The following SPCS2 variants were observed in gnomAD, a reference collection of about 807,000 sequenced individuals.
SPCS2 encodes the protein signal peptidase complex subunit 2.
Under a neutral mutation model 22.3 loss-of-function variants are expected in SPCS2, and 3 were observed. The ratio of observed to expected loss-of-function variants is 0.13; its 90% CI spans 0.06 to 0.35. The LOEUF is 0.35. Ranked by LOEUF, SPCS2 falls within the 10% of genes least tolerant of loss-of-function variation. The pLI is 1.00. For synonymous variants in SPCS2, 67 were observed against 97.2 expected, an observed-to-expected ratio of 0.69 and a Z score of 1.83; for missense variants, 169 against 280.9, an observed-to-expected ratio of 0.60 and a Z score of 2.85.
At chr11:74,974,367 G>A (rs75312072) in intron 4 of SPCS2, among the ~76,000 whole-genome samples, 3,175 of 152,238 alleles carry the variant, frequency 0.021, 130 homozygotes, top group African/African-American at 0.072. Context: ...GCATCTCAAA[G>A]TCAACAGGTC....
intron 3 of SPCS2, among the ~76,000 whole-genome samples, chr11:74,968,980 A>G (rs2140219675): frequency 6.6e-6 from 1 of 152,244 alleles, no homozygotes; most frequent in South Asian, 2.1e-4. Context: ...TGTTTATGAA[A>G]TTTAAATGGC....
At chr11:74,974,804 C>T (rs957860672) in intron 4 of SPCS2, among the ~76,000 whole-genome samples, 33 of 151,976 alleles carry the variant, frequency 2.2e-4, no homozygotes, top group Admixed American at 6.6e-4. Context: ...TTAGTAGAGA[C>T]GGGGTTTCAC....
chr11:74,970,405 T>A (rs1948577727), intron 4 of SPCS2, among the ~76,000 whole-genome samples: 1 of 152,172 alleles, frequency 6.6e-6, no homozygotes, highest in Non-Finnish European at 1.5e-5. Context: ...ATTTTATAGA[T>A]AAGAATACAG....
rs1008108190 is a variant in SPCS2, at chr11:74,978,436, G to A, written c.*1393G>A. The A allele has an allele frequency of 8.5e-5, 13 of 152,200 alleles. No homozygotes were observed. Among genetic ancestry groups the A allele is most frequent in the Non-Finnish European group, 2.9e-5 (2 of 68,042 alleles). The allele number at this position is 152,200 out of a possible 1,614,324, so 9.4% of individuals were successfully genotyped here. ...CGGAATTCTCTGTGAGCTTCTTAAA[G>A]TTTTTGAAAGCATGTAACCGGATAA... On this transcript the variant is annotated 3_prime_UTR_variant, in exon 5 of 5. Coordinates refer to ENST00000263672, the MANE Select transcript of SPCS2 (RefSeq NM_014752.3).
chr11:74,965,503 T>C lies in SPCS2; in HGVS notation c.199-260T>C, dbSNP rs115803317. 3.7e-3 allele frequency among the ~76,000 whole-genome samples: 570 copies of C among 152,308 alleles called. 5 individuals carry two copies. Among genetic ancestry groups the C allele is most frequent in the African/African-American group, 0.013 (544 of 41,586 alleles). On this transcript the variant is annotated intron_variant, in intron 2 of 4. Coordinates refer to ENST00000263672, the MANE Select transcript of SPCS2 (RefSeq NM_014752.3). ...TAGGACATTCATTCATGATAAATCA[T>C]CTCTCCATTTGTAAAAGTAAAACAT...
intron 1 of SPCS2, among the ~76,000 whole-genome samples, chr11:74,960,963 T>C (rs1260628442): frequency 1.3e-5 from 2 of 152,080 alleles, no homozygotes; most frequent in Non-Finnish European, 2.9e-5. Context: ...TTACATTTGC[T>C]AAATTTAAAC....
chr11:74,957,683 C>A (rs1352844883), intron 1 of SPCS2, among the ~76,000 whole-genome samples: 2 of 152,142 alleles, frequency 1.3e-5, no homozygotes, highest in Non-Finnish European at 2.9e-5. Context: ...TGTGCCCTTG[C>A]CCCTCTATGT....
intron 1 of SPCS2, among the ~76,000 whole-genome samples, chr11:74,954,616 A>G (rs970993448): frequency 1.3e-5 from 2 of 152,214 alleles, no homozygotes; most frequent in Admixed American, 1.3e-4. Flanking sequence ...GAACGGTTTT[A>G]TAACATTACT....
intron 1 of SPCS2, among the ~76,000 whole-genome samples, chr11:74,961,586 G>T (rs1948514757): frequency 7.0e-6 from 1 of 142,456 alleles, no homozygotes; most frequent in African/African-American, 2.4e-5. Context: ...TGTTCACCCA[G>T]GCTAGAGTGC....
At chr11:74,955,966 G>A (rs1197574753) in intron 1 of SPCS2, among the ~76,000 whole-genome samples, 1 of 144,708 alleles carries the variant, frequency 6.9e-6, no homozygotes, top group Non-Finnish European at 1.5e-5. Flanking sequence ...AATTTCAATA[G>A]TAGTTTTTTA....
chr11:74,968,120 A>T (rs1161617668), intron 3 of SPCS2: 1 of 152,092 alleles, frequency 6.6e-6, no homozygotes. Context: ...CTCTACTCTA[A>T]AGTCCATATA....
At chr11:74,950,750 G>GCC (rs1179777599) in intron 1 of SPCS2, among the ~76,000 whole-genome samples, 1 of 152,126 alleles carries the variant, frequency 6.6e-6, no homozygotes, top group African/African-American at 2.4e-5. Flanking sequence ...TTACTGTGTT[G>GCC]CCCTGGCTGG....
chr11:74,973,532 A>G (rs1301628324), intron 4 of SPCS2, among the ~76,000 whole-genome samples: 1 of 152,196 alleles, frequency 6.6e-6, no homozygotes, highest in Non-Finnish European at 1.5e-5. Flanking sequence ...AGTTTTAAGT[A>G]TCCCACCCTG....
At chr11:74,956,317 C>T (rs904705219) in intron 1 of SPCS2, among the ~76,000 whole-genome samples, 3 of 152,106 alleles carry the variant, frequency 2.0e-5, no homozygotes, top group African/African-American at 7.2e-5. Context: ...TCTGTCCAAC[C>T]GCCTACTTGT....
rs1468001266 is a variant in SPCS2, at chr11:74,978,760, T to C, written c.*1717T>C. On this transcript the variant is annotated 3_prime_UTR_variant, in exon 5 of 5. Coordinates refer to ENST00000263672, the MANE Select transcript of SPCS2 (RefSeq NM_014752.3). ...CCATGGTTGGTTAAATCTGTAGATA[T>C]AGAGGGCCAACTGTACTGTTAGACA... 2.0e-5 allele frequency: 3 copies of C among 152,228 alleles called. No homozygotes were observed. The highest frequency in any genetic ancestry group is 2.9e-5 in the Non-Finnish European group (2 of 68,040). The allele number at this position is 152,228 out of a possible 1,614,324, so 9.4% of individuals were successfully genotyped here. A position where few individuals can be genotyped will look rare whatever the true frequency, so the allele number is the denominator to read the frequency against.
intron 1 of SPCS2, chr11:74,949,701 G>T: frequency 2.1e-6 from 1 of 471,344 alleles, no homozygotes; most frequent in South Asian, 1.5e-5. Flanking sequence ...TCTCCTGGGG[G>T]GCTGGGTGCA....
intron 1 of SPCS2, among the ~76,000 whole-genome samples, chr11:74,957,089 A>C (rs1416837866): frequency 2.6e-5 from 4 of 152,298 alleles, no homozygotes; most frequent in African/African-American, 9.6e-5. Context: ...TACAAGAAGA[A>C]GCTCTTTGAG....
At chr11:74,975,592 TAA>T (rs1408804880) in intron 4 of SPCS2, among the ~76,000 whole-genome samples, 9 of 152,200 alleles carry the variant, frequency 5.9e-5, no homozygotes, top group Admixed American at 1.3e-4. Flanking sequence ...CACAGAAGTC[TAA>T]AAATTACTGT....
intron 1 of SPCS2, among the ~76,000 whole-genome samples, chr11:74,956,160 C>T (rs1261267224): frequency 6.6e-6 from 1 of 151,776 alleles, no homozygotes; most frequent in Non-Finnish European, 1.5e-5. Flanking sequence ...AGTCCCTGAG[C>T]TTATGAGCTT....
Sources: allele counts gnomAD v4.1 joint callset (sites outside exome capture counted in the v4.1 genomes callset), GRCh38; gene constraint gnomAD v4.1.1; transcripts MANE v1.5; gene names NCBI Gene and HGNC (gene_info 2026-07-23, HGNC 2026-07-21).